Variants in RHOH observed in about 807,000 individuals in gnomAD.
RHOH encodes rho-related GTP-binding protein RhoH.
A neutral mutation model predicts 13.8 loss-of-function variants in RHOH; 6 were observed. The observed-to-expected ratio is 0.44, with a 90% CI of 0.24 to 0.86. The LOEUF (loss-of-function observed/expected upper bound fraction) is 0.86, where lower values mean the gene tolerates loss of function less well. Among genes scored for constraint, RHOH ranks in the 40% least tolerant of loss-of-function variants. The pLI is 0.24. For missense variants in RHOH, 147 were observed against 244.5 expected (o/e 0.60, Z 2.66); for synonymous variants, 117 against 103.0 (o/e 1.14, Z -0.82).
chr4:40,215,300 G>A (rs1231459850), intron 1 of RHOH, among the ~76,000 whole-genome samples: 1 of 152,222 alleles, frequency 6.6e-6, no homozygotes, highest in Non-Finnish European at 1.5e-5. Context: ...GCTTTAGGTA[G>A]TAATGCATGC....
chr4:40,212,919 A>T (rs751393185), intron 1 of RHOH: 2 of 152,230 alleles, frequency 1.3e-5, no homozygotes, highest in Non-Finnish European at 2.9e-5. Context: ...AGATTGGGGA[A>T]CTGCTTCCTT....
At chr4:40,203,853 G>C (rs1278179862) in intron 1 of RHOH, among the ~76,000 whole-genome samples, 2 of 152,126 alleles carry the variant, frequency 1.3e-5, no homozygotes, top group African/African-American at 4.8e-5. Context: ...GGGAGAGTCT[G>C]GGACCCATAA....
intron 1 of RHOH, among the ~76,000 whole-genome samples, chr4:40,239,080 GCTCCTC>G (rs1350099537): frequency 6.6e-6 from 1 of 152,048 alleles, no homozygotes; most frequent in Non-Finnish European, 1.5e-5. Context: ...ATCTGCCAAG[GCTCCTC>G]CCCTCCTCAA....
chr4:40,238,544 C>T (rs535173285), intron 1 of RHOH, among the ~76,000 whole-genome samples: 2 of 152,312 alleles, frequency 1.3e-5, no homozygotes, highest in Non-Finnish European at 2.9e-5. Flanking sequence ...GCTTTTGCAA[C>T]GTGAAGCCTC....
intron 1 of RHOH, among the ~76,000 whole-genome samples, chr4:40,205,404 A>G (rs1396100325): frequency 6.6e-6 from 1 of 152,224 alleles, no homozygotes; most frequent in Admixed American, 6.5e-5. Flanking sequence ...AGGCATTAGC[A>G]TTAGCCGGTG....
upstream of RHOH, among the ~76,000 whole-genome samples, chr4:40,191,650 T>A (rs146137929): frequency 6.2e-3 from 949 of 152,322 alleles, 6 homozygotes; most frequent in Non-Finnish European, 9.1e-3. Context: ...CAAGACTCTG[T>A]CTTCTTATGA....
upstream of RHOH, chr4:40,193,515 A>AGGGGAGGGGG (rs1722834724): frequency 2.1e-5 from 1 of 46,914 alleles, no homozygotes; most frequent in Non-Finnish European, 4.1e-5. Context: ...AGAGGAGAGG[A>AGGGGAGGGGG]GGGGCGGGGT....
chr4:40,199,007 G>C (rs1251566822), intron 1 of RHOH, among the ~76,000 whole-genome samples: 2 of 151,948 alleles, frequency 1.3e-5, no homozygotes, highest in South Asian at 2.1e-4. Context: ...CAACTTTTGA[G>C]CCAGATCACT....
chr4:40,197,983 T>A (rs1475746965), intron 1 of RHOH, among the ~76,000 whole-genome samples: 1 of 152,208 alleles, frequency 6.6e-6, no homozygotes, highest in Non-Finnish European at 1.5e-5. Flanking sequence ...AGGCAACAAG[T>A]AGTTGGTGTC....
intron 1 of RHOH, among the ~76,000 whole-genome samples, chr4:40,241,317 G>A (rs1008336855): frequency 1.3e-5 from 2 of 152,182 alleles, no homozygotes; most frequent in Admixed American, 6.5e-5. Flanking sequence ...TGGATAACTC[G>A]ATGGCTTCCT....
chr4:40,204,059 A>G (rs1439574378), intron 1 of RHOH, among the ~76,000 whole-genome samples: 1 of 152,244 alleles, frequency 6.6e-6, no homozygotes, highest in East Asian at 1.9e-4. Flanking sequence ...AATTAGACTT[A>G]TGCCACAACA....
chr4:40,239,771 G>C (rs1729027731), intron 1 of RHOH, among the ~76,000 whole-genome samples: 1 of 151,976 alleles, frequency 6.6e-6, no homozygotes, highest in Non-Finnish European at 1.5e-5. Context: ...CCAGCTACTC[G>C]GGAGGTTGAG....
Position 40,228,024 on chromosome 4 carries a change from A to T in RHOH, c.-330-14690A>T, listed in dbSNP as rs193280527. 5.1e-3 allele frequency among the ~76,000 whole-genome samples: 772 copies of T among 152,278 alleles called. 16 individuals are homozygous for T. Among genetic ancestry groups the T allele is most frequent in the South Asian group, 0.04 (195 of 4,828 alleles). On this transcript the variant is annotated intron_variant, in intron 1 of 2. Coordinates refer to ENST00000381799, the MANE Select transcript of RHOH (RefSeq NM_004310.5). Reference sequence around the variant, plus strand: ...AAAGAAATAATCATATATTTATATTAAAAATATTCACTCAATGTTGCTATA... The same window carrying T: ...AAAGAAATAATCATATATTTATATTTAAAATATTCACTCAATGTTGCTATA...
intron 1 of RHOH, chr4:40,235,299 C>T (rs947093223): frequency 2.0e-5 from 3 of 152,222 alleles, no homozygotes; most frequent in African/African-American, 4.8e-5. Context: ...TTTAAAACAT[C>T]AAGAACTGGG....
In RHOH at chr4:40,204,091, A is replaced by G. The variant is rs911687437; in HGVS notation, c.-331+6791A>G. 1.2e-4 allele frequency among the ~76,000 whole-genome samples: 18 copies of G among 152,362 alleles called. 1 individual carries two copies. In the East Asian group the frequency reaches 3.5e-3, roughly 29 times the overall value. ...AACAACATTATATCACAAAATAAAC[A>G]TATGAAAGTGAATGACATCGCAGTA... On this transcript the variant is annotated intron_variant, in intron 1 of 2. Transcript: ENST00000381799.
chr4:40,245,077 C>A lies in RHOH; in HGVS notation c.*1115C>A, dbSNP rs1294858384. 1 of 152,120 alleles carries A rather than the reference C, an allele frequency of 6.6e-6. No individual in the cohort carries two copies. The highest frequency in any genetic ancestry group is 2.4e-5 in the African/African-American group (1 of 41,400). The allele number at this position is 152,120 out of a possible 1,614,324, so 9.4% of individuals were successfully genotyped here. A position where few individuals can be genotyped will look rare whatever the true frequency, so the allele number is the denominator to read the frequency against. ...CAGGAATAAGAAAGCTATATAGCAA[C>A]TGCTCAGAGAACAGAAAGTTATCAG... On this transcript the variant is annotated 3_prime_UTR_variant, in exon 3 of 3. Coordinates refer to ENST00000381799, the MANE Select transcript of RHOH (RefSeq NM_004310.5).
intron 1 of RHOH, among the ~76,000 whole-genome samples, chr4:40,211,715 T>C (rs925306700): frequency 6.6e-6 from 1 of 152,208 alleles, no homozygotes; most frequent in African/African-American, 2.4e-5. Flanking sequence ...TAAATGATTG[T>C]GCATGAGATA....
At chr4:40,193,400 G>A (rs933257839), upstream of RHOH, among the ~76,000 whole-genome samples, 1 of 150,808 alleles carries the variant, frequency 6.6e-6, no homozygotes, top group Non-Finnish European at 1.5e-5. Context: ...GTCTGTGAAT[G>A]TTTGCATGTA....
intron 1 of RHOH, among the ~76,000 whole-genome samples, chr4:40,204,693 G>A (rs1218021637): frequency 6.6e-6 from 1 of 152,182 alleles, no homozygotes; most frequent in Non-Finnish European, 1.5e-5. Flanking sequence ...ATCAGATTAA[G>A]CCCCTAAAGA....
Sources: gnomAD v4.1 joint callset for allele counts (sites outside exome capture counted in the v4.1 genomes callset) on GRCh38, gnomAD v4.1.1 for gene constraint, MANE v1.5 for transcripts, NCBI Gene and HGNC (gene_info 2026-07-23, HGNC 2026-07-21) for gene names.